SDK1: variants seen among roughly 807,000 people sequenced by gnomAD.
SDK1 encodes sidekick cell adhesion molecule 1.
A neutral mutation model predicts 245.5 loss-of-function variants in SDK1; 157 were observed. That is an observed-to-expected ratio of 0.64 (90% CI 0.56 to 0.73). The LOEUF is 0.73. SDK1 is among the 30% of genes least tolerant of loss of function. The pLI is 0.00. For synonymous variants in SDK1, 1,647 were observed against 1,278.5 expected (o/e 1.29, Z -6.15); for missense variants, 3,583 against 3,002.3 (o/e 1.19, Z -4.52).
At chr7:4,190,602 C>T (rs964368156) in intron 35 of SDK1, among the ~76,000 whole-genome samples, 2 of 152,252 alleles carry the variant, frequency 1.3e-5, no homozygotes, top group African/African-American at 4.8e-5. Flanking sequence ...ATGCAGGTGC[C>T]TCCGCCGTGG....
At chr7:3,644,482 G>A (rs1178592295) in intron 4 of SDK1, among the ~76,000 whole-genome samples, 1 of 151,682 alleles carries the variant, frequency 6.6e-6, no homozygotes, top group Admixed American at 6.6e-5. Context: ...AGGCAGGTAA[G>A]GGCCATTTGC....
intron 1 of SDK1, among the ~76,000 whole-genome samples, chr7:3,535,534 T>C (rs149417169): frequency 6.6e-6 from 1 of 152,286 alleles, no homozygotes; most frequent in Non-Finnish European, 1.5e-5. Flanking sequence ...AGTGTGACCT[T>C]ATGCAGGCTT....
At chr7:3,752,856 T>C (rs989865474) in intron 4 of SDK1, among the ~76,000 whole-genome samples, 1 of 152,220 alleles carries the variant, frequency 6.6e-6, no homozygotes, top group African/African-American at 2.4e-5. Flanking sequence ...ATCTCTATTA[T>C]CTTAACACAG....
In SDK1 at chr7:3,581,858, A is replaced by C. The variant is rs562796389; in HGVS notation, c.299-37222A>C. Among the ~76,000 whole-genome samples, 11 of 152,346 alleles carry C rather than the reference A, an allele frequency of 7.2e-5. 1 individual carries two copies. The South Asian group carries it at 1.4e-3, about 20-fold the overall frequency. ...TGTGTCCTTTGCAGGGACATGGGTG[A>C]AGCTGGAGGCCATCATCCTTAGCAA... is the stretch of plus-strand genomic sequence containing the variant. On this transcript the variant is annotated intron_variant, in intron 1 of 44. Transcript: ENST00000404826.
chr7:3,830,675 T>C (rs1269421430), intron 5 of SDK1, among the ~76,000 whole-genome samples: 1 of 152,002 alleles, frequency 6.6e-6, no homozygotes, highest in Admixed American at 6.6e-5. Flanking sequence ...TTTAAAAAAT[T>C]TTTGTGGAGA....
intron 5 of SDK1, among the ~76,000 whole-genome samples, chr7:3,855,807 C>G (rs1780531996): frequency 6.6e-6 from 1 of 152,146 alleles, no homozygotes; most frequent in African/African-American, 2.4e-5. Context: ...AGTCAAAGTT[C>G]TGAGGGGAAA....
chr7:4,139,561 A>ATG (rs71032928), intron 28 of SDK1, among the ~76,000 whole-genome samples: 2,639 of 21,498 alleles, frequency 0.12, 786 homozygotes, highest in African/African-American at 0.31. Flanking sequence ...ATATGTATAT[A>ATG]TGTGTGTATA....
At chr7:4,155,473 G>T (rs1780671147) in intron 30 of SDK1, among the ~76,000 whole-genome samples, 1 of 152,170 alleles carries the variant, frequency 6.6e-6, no homozygotes, top group African/African-American at 2.4e-5. Context: ...GGAGAAAGAG[G>T]GGTTTCAAGG....
chr7:3,498,773 C>T (rs1281068136), intron 1 of SDK1, among the ~76,000 whole-genome samples: 1 of 150,746 alleles, frequency 6.6e-6, no homozygotes, highest in Non-Finnish European at 1.5e-5. Context: ...TATACATTCT[C>T]ATCCACAATC....
intron 1 of SDK1, among the ~76,000 whole-genome samples, chr7:3,555,915 AAC>A (rs1412237719): frequency 6.6e-6 from 1 of 152,186 alleles, no homozygotes; most frequent in African/African-American, 2.4e-5. Context: ...GACAGGCAGT[AAC>A]AAATGCTGGC....
intron 14 of SDK1, among the ~76,000 whole-genome samples, chr7:3,991,030 T>C (rs1784265905): frequency 6.6e-6 from 1 of 152,208 alleles, no homozygotes; most frequent in South Asian, 2.1e-4. Context: ...ACGTGATCAG[T>C]GTCCACTGCG....
chr7:4,212,909 A>G (rs1231227728), intron 38 of SDK1, among the ~76,000 whole-genome samples: 1 of 152,100 alleles, frequency 6.6e-6, no homozygotes, highest in Non-Finnish European at 1.5e-5. Flanking sequence ...TTCTGTGTTA[A>G]TGGATTTGCA....
chr7:3,681,539 A>T (rs1784101128), intron 4 of SDK1, among the ~76,000 whole-genome samples: 2 of 152,214 alleles, frequency 1.3e-5, no homozygotes, highest in Non-Finnish European at 2.9e-5. Context: ...AATTTTTCAA[A>T]ATGATTTTCT....
intron 2 of SDK1, among the ~76,000 whole-genome samples, chr7:3,638,606 G>C (rs1237285581): frequency 7.2e-6 from 1 of 139,340 alleles, no homozygotes; most frequent in African/African-American, 2.7e-5. Context: ...GACACAGGAA[G>C]GGAAACATCA....
chr7:3,524,924 G>C (rs752370311), intron 1 of SDK1, among the ~76,000 whole-genome samples: 1 of 152,162 alleles, frequency 6.6e-6, no homozygotes, highest in Non-Finnish European at 1.5e-5. Flanking sequence ...TGCTGTAAGA[G>C]AGTGGGATTA....
At chr7:3,977,484 C>T (rs1783042292) in intron 13 of SDK1, among the ~76,000 whole-genome samples, 1 of 152,240 alleles carries the variant, frequency 6.6e-6, no homozygotes, top group Non-Finnish European at 1.5e-5. Context: ...CCAGCCCCTG[C>T]CTTCAGGCAT....
chr7:3,667,868 T>C (rs1414740848), intron 4 of SDK1, among the ~76,000 whole-genome samples: 4 of 152,258 alleles, frequency 2.6e-5, no homozygotes, highest in Non-Finnish European at 4.4e-5. Context: ...TTTGGGATTG[T>C]TCCAGTTTTG....
At chr7:4,140,616 G>T (rs1425087416) in intron 28 of SDK1, among the ~76,000 whole-genome samples, 1 of 152,158 alleles carries the variant, frequency 6.6e-6, no homozygotes, top group African/African-American at 2.4e-5. Context: ...GGAAGAGCTG[G>T]GGCTCGATGC....
In SDK1 at chr7:3,635,527, G is replaced by A. The variant is rs534407119; in HGVS notation, c.459-3477G>A. 2.0e-5 allele frequency among the ~76,000 whole-genome samples: 3 copies of A among 152,312 alleles called. No homozygotes were observed. In the South Asian group the frequency reaches 6.2e-4, roughly 32 times the overall value. ...TTGGGAACTGAGCAAATACAGCGTAGCATACACTTTGTCTTTTACTCGATT... is the reference window on the plus strand; with the variant it reads ...TTGGGAACTGAGCAAATACAGCGTAACATACACTTTGTCTTTTACTCGATT... On this transcript the variant is annotated intron_variant, in intron 2 of 44. Transcript: ENST00000404826.
Sources: allele counts gnomAD v4.1 joint callset (sites outside exome capture counted in the v4.1 genomes callset), GRCh38; gene constraint gnomAD v4.1.1; transcripts MANE v1.5; gene names NCBI Gene and HGNC (gene_info 2026-07-23, HGNC 2026-07-21).